The following FER variants were observed in gnomAD, a reference collection of about 807,000 sequenced individuals.
The protein encoded by FER is FER tyrosine kinase.
In FER, 63 loss-of-function variants were observed where a neutral mutation model predicts 111.0. That is an observed-to-expected ratio of 0.57 (90% CI 0.46 to 0.70). The LOEUF (loss-of-function observed/expected upper bound fraction) is 0.70. Among genes scored for constraint, FER ranks in the 30% least tolerant of loss-of-function variants. The pLI, the probability that FER is intolerant of heterozygous loss-of-function variation, is 0.00. For missense variants in FER, 914 were observed against 954.0 expected (o/e 0.96, Z 0.55); for synonymous variants, 327 against 313.9 (o/e 1.04, Z -0.44).
intron 5 of FER, chr5:108,843,069 C>G (rs1490999238): frequency 6.6e-6 from 1 of 152,154 alleles, no homozygotes; most frequent in Non-Finnish European, 1.5e-5. Flanking sequence ...GTGCTCCTGC[C>G]TCACACTCTT....
At chr5:109,000,868 A>G (rs1219049125) in intron 13 of FER, among the ~76,000 whole-genome samples, 1 of 152,246 alleles carries the variant, frequency 6.6e-6, no homozygotes, top group East Asian at 1.9e-4. Flanking sequence ...ATAGAATACT[A>G]TAAACACCTC....
chr5:108,921,978 A>G (rs758577024), intron 10 of FER, among the ~76,000 whole-genome samples: 2 of 152,172 alleles, frequency 1.3e-5, no homozygotes, highest in Non-Finnish European at 1.5e-5. Context: ...AGTTAATATG[A>G]AGTTGTTAGG....
At position 109,075,986 on chromosome 5, in the gene FER, G is replaced by GA. The variant is rs545929920; in HGVS notation, c.1925-24400dup. Among the ~76,000 whole-genome samples, 823 of 147,454 alleles carry GA rather than the reference G, an allele frequency of 5.6e-3. 2 individuals carry two copies. The highest frequency in any genetic ancestry group is 8.9e-3 in the African/African-American group (359 of 40,276). On this transcript the variant is annotated intron_variant, in intron 16 of 19. Coordinates refer to ENST00000281092, the MANE Select transcript of FER (RefSeq NM_005246.4). Reference sequence around the variant, plus strand: ...TAATGTATCTTCAGAAAAGAAAAATGAAAAAAAAAATTAGAAGCTATTTCA... The same window carrying GA: ...TAATGTATCTTCAGAAAAGAAAAATGAAAAAAAAAAATTAGAAGCTATTTCA...
At chr5:109,097,392 A>G (rs74805558) in intron 16 of FER, among the ~76,000 whole-genome samples, 8 of 149,778 alleles carry the variant, frequency 5.3e-5, no homozygotes, top group Non-Finnish European at 1.0e-4. Context: ...GCAGAATTAC[A>G]AAAGGGGTGT....
At chr5:109,119,333 T>C (rs1177617329) in intron 17 of FER, among the ~76,000 whole-genome samples, 4 of 152,350 alleles carry the variant, frequency 2.6e-5, no homozygotes, top group African/African-American at 4.8e-5. Flanking sequence ...GTGAGTTTCT[T>C]AATCCTGAGT....
At chr5:109,097,105 T>G (rs1747634481) in intron 16 of FER, among the ~76,000 whole-genome samples, 1 of 151,522 alleles carries the variant, frequency 6.6e-6, no homozygotes, top group Admixed American at 6.6e-5. Context: ...AAAGCCGTCT[T>G]GAGAAATAAA....
chr5:109,176,953 TA>T (rs1444015154), intron 17 of FER, among the ~76,000 whole-genome samples: 1 of 152,190 alleles, frequency 6.6e-6, no homozygotes, highest in Non-Finnish European at 1.5e-5. Context: ...TGTAAACAAA[TA>T]TATACATGTA....
chr5:109,144,681 G>A (rs1056456346), intron 17 of FER, among the ~76,000 whole-genome samples: 1 of 152,070 alleles, frequency 6.6e-6, no homozygotes, highest in African/African-American at 2.4e-5. Context: ...GACCTAGCCA[G>A]TTTCCCTCCA....
In FER at chr5:108,811,108, G is replaced by T. The variant is rs562562173; in HGVS notation, c.207+12719G>T. Among the ~76,000 whole-genome samples the T allele has an allele frequency of 8.7e-4, 132 of 152,110 alleles. 1 individual carries two copies. Among genetic ancestry groups the T allele is most frequent in the Admixed American group, 1.5e-3 (23 of 15,290 alleles). ...CCACAATCTATGTCCAGGAAGGGTA[G>T]GGCATCCCAGGCTGCTGAACCAGGC... On this transcript the variant is annotated intron_variant, in intron 3 of 19. Transcript: ENST00000281092.
chr5:108,857,114 G>T (rs1763080649), intron 5 of FER, among the ~76,000 whole-genome samples: 1 of 151,986 alleles, frequency 6.6e-6, no homozygotes, highest in South Asian at 2.1e-4. Context: ...TACCACATTT[G>T]CTTTATGCTT....
chr5:109,049,409 T>C (rs1314692330), intron 16 of FER, among the ~76,000 whole-genome samples: 2 of 152,184 alleles, frequency 1.3e-5, no homozygotes. Context: ...TTTCTTTGCC[T>C]TCTGTCTGCC....
intron 17 of FER, among the ~76,000 whole-genome samples, chr5:109,101,202 A>C (rs992199968): frequency 1.3e-5 from 2 of 151,956 alleles, no homozygotes; most frequent in African/African-American, 4.8e-5. Context: ...TGCAGAATTC[A>C]TGTCAGATCC....
At chr5:109,087,268 T>G (rs1202848513) in intron 16 of FER, among the ~76,000 whole-genome samples, 1 of 151,810 alleles carries the variant, frequency 6.6e-6, no homozygotes. Flanking sequence ...TCTTTAAAAT[T>G]TATTCAGACT....
intron 5 of FER, among the ~76,000 whole-genome samples, chr5:108,855,428 C>T (rs1390669001): frequency 6.7e-6 from 1 of 149,940 alleles, no homozygotes; most frequent in African/African-American, 2.5e-5. Context: ...GTCAGGAGAT[C>T]GAGACCACGG....
In FER at chr5:108,844,650, C is replaced by A. The variant is rs188284326; in HGVS notation, c.481+8843C>A. On this transcript the variant is annotated intron_variant, in intron 5 of 19. Coordinates refer to ENST00000281092, the MANE Select transcript of FER (RefSeq NM_005246.4). ...GCCCTTTTGTAATCCCTGTCTTCCA[C>A]CTCTCTGTGATCTTCCGTCTTCTAT... Among the ~76,000 whole-genome samples, 714 of 152,168 alleles carry A rather than the reference C, an allele frequency of 4.7e-3. 1 individual carries two copies. Among genetic ancestry groups the A allele is most frequent in the Non-Finnish European group, 7.7e-3 (526 of 68,004 alleles).
At chr5:108,813,123 A>G (rs1365607339) in intron 3 of FER, among the ~76,000 whole-genome samples, 1 of 151,952 alleles carries the variant, frequency 6.6e-6, no homozygotes, top group African/African-American at 2.4e-5. Context: ...ATTTTTTTTT[A>G]GGTTTGAAAG....
In FER at chr5:108,754,573, T is replaced by A. The variant is rs1043802758; in HGVS notation, c.-206+6573T>A. Among the ~76,000 whole-genome samples the A allele has an allele frequency of 2.0e-4, 30 of 152,274 alleles. 1 individual carries two copies. The highest frequency in any genetic ancestry group is 1.8e-3 in the Admixed American group (28 of 15,288). ...CTTATAATGCTACATAAGAAAATATTATTACACTAATTTTATGTCATTAAT... is the reference window on the plus strand; with the variant it reads ...CTTATAATGCTACATAAGAAAATATAATTACACTAATTTTATGTCATTAAT... On this transcript the variant is annotated intron_variant, in intron 1 of 19. Transcript: ENST00000281092.
chr5:108,892,064 A>G (rs1748175059), intron 9 of FER, among the ~76,000 whole-genome samples: 1 of 152,030 alleles, frequency 6.6e-6, no homozygotes, highest in African/African-American at 2.4e-5. Context: ...CCAGTCTATC[A>G]TTGTTGGACA....
At chr5:108,966,388 C>CT (rs34899054) in intron 13 of FER, among the ~76,000 whole-genome samples, 2,305 of 124,932 alleles carry the variant, frequency 0.018, 29 homozygotes, top group Non-Finnish European at 0.023. Flanking sequence ...TTTTTCTTTT[C>CT]TTTTTTTTTT....
Sources: allele counts gnomAD v4.1 joint callset (sites outside exome capture counted in the v4.1 genomes callset), GRCh38; gene constraint gnomAD v4.1.1; transcripts MANE v1.5; gene names NCBI Gene and HGNC (gene_info 2026-07-23, HGNC 2026-07-21).